Variants in MAML3 observed in about 807,000 individuals in gnomAD.
MAML3 encodes mastermind-like protein 3.
MAML3 carries 27 observed loss-of-function variants against 101.9 expected under a neutral mutation model. The observed-to-expected ratio is 0.27, with a 90% CI of 0.20 to 0.37. MAML3 has a LOEUF of 0.37. Among genes scored for constraint, MAML3 ranks in the 10% least tolerant of loss-of-function variants. The probability of loss-of-function intolerance (pLI) is 1.00; values close to 1 mark genes in which losing one functional copy is unlikely to be tolerated. For synonymous variants in MAML3, 501 were observed against 555.9 expected (o/e 0.90, Z 1.39); for missense variants, 1,316 against 1,444.9 (o/e 0.91, Z 1.45).
chr4:139,859,986 G>C (rs2604923), intron 2 of MAML3, among the ~76,000 whole-genome samples: 77,874 of 151,950 alleles, frequency 0.51, 21,648 homozygotes, highest in African/African-American at 0.71. Context: ...GTCGCGGGAG[G>C]GGCTAGAGGA....
At chr4:140,091,495 C>T (rs1285918849) in intron 1 of MAML3, among the ~76,000 whole-genome samples, 1 of 125,570 alleles carries the variant, frequency 8.0e-6, no homozygotes. Flanking sequence ...ACCCTTTCAA[C>T]TAGAGGGAAT....
intron 2 of MAML3, among the ~76,000 whole-genome samples, chr4:139,855,193 A>G (rs1314249772): frequency 6.6e-6 from 1 of 152,206 alleles, no homozygotes; most frequent in African/African-American, 2.4e-5. Flanking sequence ...CATGTTAAGC[A>G]ATTCTGTCCT....
intron 2 of MAML3, among the ~76,000 whole-genome samples, chr4:139,842,123 G>A (rs1731373672): frequency 6.6e-6 from 1 of 152,200 alleles, no homozygotes; most frequent in South Asian, 2.1e-4. Flanking sequence ...CCCCTGGGAA[G>A]ACTAGGGCTT....
Position 140,122,051 on chromosome 4 carries a change from C to G in MAML3, c.468+30809G>C, listed in dbSNP as rs573802691. 3.3e-5 allele frequency among the ~76,000 whole-genome samples: 5 copies of G among 152,240 alleles called. No homozygotes were observed. The East Asian group carries it at 9.6e-4, about 29-fold the overall frequency. On this transcript the variant is annotated intron_variant, in intron 1 of 4. Transcript: ENST00000509479. Reference sequence around the variant, plus strand: ...TCCTTCCGCCATGATTGTAAGTTTCCTGAGGCCTCCCCAGCCATTTGGAAC... The same window carrying G: ...TCCTTCCGCCATGATTGTAAGTTTCGTGAGGCCTCCCCAGCCATTTGGAAC...
intron 1 of MAML3, among the ~76,000 whole-genome samples, chr4:140,104,033 G>A (rs1728294428): frequency 2.6e-5 from 4 of 151,986 alleles, no homozygotes. Flanking sequence ...TACGTGCACT[G>A]TTGTACACAT....
chr4:140,099,080 T>C (rs555905189), intron 1 of MAML3, among the ~76,000 whole-genome samples: 1 of 152,324 alleles, frequency 6.6e-6, no homozygotes, highest in African/African-American at 2.4e-5. Context: ...AAGAATAATT[T>C]ATGCACAAAA....
chr4:140,024,104 T>C (rs1201273079), intron 1 of MAML3, among the ~76,000 whole-genome samples: 1 of 141,460 alleles, frequency 7.1e-6, no homozygotes, highest in African/African-American at 2.4e-5. Flanking sequence ...AACAACCTTA[T>C]AAAATAGATA....
chr4:140,141,685 G>A (rs1424015930), intron 1 of MAML3, among the ~76,000 whole-genome samples: 10 of 152,150 alleles, frequency 6.6e-5, no homozygotes, highest in African/African-American at 1.9e-4. Context: ...AAAAAGGAAC[G>A]TCACTCCTGT....
intron 1 of MAML3, among the ~76,000 whole-genome samples, chr4:140,055,376 T>G (rs1265581415): frequency 6.6e-6 from 1 of 152,196 alleles, no homozygotes; most frequent in Non-Finnish European, 1.5e-5. Flanking sequence ...CCCAGAGCAG[T>G]GAGAATTTTT....
rs547512355 is a variant in MAML3, at chr4:140,124,540, C to G, written c.468+28320G>C. 2.0e-5 allele frequency among the ~76,000 whole-genome samples: 3 copies of G among 152,184 alleles called. No homozygotes were observed. The South Asian group carries it at 6.2e-4, about 32-fold the overall frequency. ...AAGTGTTCTCTTAAGCGTCTGGAGA[C>G]CTTGCACAAGTTACCCCCAAAAGCA... On this transcript the variant is annotated intron_variant, in intron 1 of 4. Transcript: ENST00000509479.
At chr4:140,151,697 G>T (rs897570254) in intron 1 of MAML3, among the ~76,000 whole-genome samples, 9 of 151,214 alleles carry the variant, frequency 6.0e-5, no homozygotes, top group Middle Eastern at 6.8e-3. Context: ...GTGCGGGGGG[G>T]GGGGGCACAC....
chr4:139,758,312 A>G (rs1340764772), intron 2 of MAML3, among the ~76,000 whole-genome samples: 2 of 152,188 alleles, frequency 1.3e-5, no homozygotes. Context: ...TACTCAGCAG[A>G]TGTGGCCTGA....
intron 2 of MAML3, among the ~76,000 whole-genome samples, chr4:139,763,843 G>C (rs1184899365): frequency 6.6e-6 from 1 of 152,166 alleles, no homozygotes; most frequent in African/African-American, 2.4e-5. Flanking sequence ...GAGAGAGGCC[G>C]CTGAATTAAA....
chr4:139,927,266 T>C (rs904674739), intron 1 of MAML3, among the ~76,000 whole-genome samples: 10 of 152,098 alleles, frequency 6.6e-5, no homozygotes. Flanking sequence ...TTAGCAAGAA[T>C]AGTATAAAAA....
At chr4:140,126,828 A>C (rs1728692609) in intron 1 of MAML3, among the ~76,000 whole-genome samples, 1 of 152,182 alleles carries the variant, frequency 6.6e-6, no homozygotes, top group African/African-American at 2.4e-5. Context: ...CCATTTTCCA[A>C]GCCAGAAAAC....
Position 139,735,099 on chromosome 4 carries a change from G to A in MAML3, c.2080-4432C>T, listed in dbSNP as rs530400620. On this transcript the variant is annotated intron_variant, in intron 2 of 4. Transcript: ENST00000509479. This position sits in a 1 kb window ranked among gnomAD's most constrained non-coding sequence, Gnocchi z 5.8. ...CGGCCCCCGCCCCGCGCGTCTGGGC[G>A]AGCGCTGCGAACGTGGAGCCAGGCA... Among the ~76,000 whole-genome samples, 14 of 152,314 alleles carry A rather than the reference G, an allele frequency of 9.2e-5. No individual in the cohort carries two copies. In the East Asian group the frequency reaches 1.6e-3, roughly 17 times the overall value.
At chr4:140,127,099 T>C (rs1035509053) in intron 1 of MAML3, among the ~76,000 whole-genome samples, 3 of 152,236 alleles carry the variant, frequency 2.0e-5, no homozygotes, top group African/African-American at 7.2e-5. Flanking sequence ...TCCTATGTCA[T>C]AGGGCTTATG....
chr4:139,907,762 C>T (rs943640713), intron 1 of MAML3, among the ~76,000 whole-genome samples: 2 of 152,176 alleles, frequency 1.3e-5, no homozygotes, highest in African/African-American at 4.8e-5. Flanking sequence ...TAACACTTGT[C>T]TGACACAGAC....
At chr4:140,068,516 C>A (rs921357560) in intron 1 of MAML3, among the ~76,000 whole-genome samples, 1 of 152,138 alleles carries the variant, frequency 6.6e-6, no homozygotes, top group Non-Finnish European at 1.5e-5. Flanking sequence ...CAAGAGAATG[C>A]AAACAAGCAC....
Sources: gnomAD v4.1 joint callset for allele counts (sites outside exome capture counted in the v4.1 genomes callset) on GRCh38, gnomAD v4.1.1 for gene constraint, Gnocchi (gnomAD v3.1) non-coding constraint, MANE v1.5 for transcripts, NCBI Gene and HGNC (gene_info 2026-07-23, HGNC 2026-07-21) for gene names.